The following NEK3 variants were observed in gnomAD, a reference collection of about 807,000 sequenced individuals.
NEK3 encodes the protein NIMA related kinase 3, also known as serine/threonine-protein kinase Nek3.
In NEK3, 54 loss-of-function variants were observed where a neutral mutation model predicts 66.0. The ratio of observed to expected loss-of-function variants is 0.82; its 90% CI spans 0.66 to 1.03. NEK3 has a LOEUF of 1.03. Ranked by LOEUF, NEK3 falls within the 50% of genes least tolerant of loss-of-function variation. The pLI, the probability that NEK3 is intolerant of heterozygous loss-of-function variation, is 0.00. For missense variants in NEK3, 593 were observed against 603.0 expected, an observed-to-expected ratio of 0.98 and a Z score of 0.17; for synonymous variants, 200 against 206.2, an observed-to-expected ratio of 0.97 and a Z score of 0.26.
chr13:52,136,639 T>A (rs981246366), intron 12 of NEK3, among the ~76,000 whole-genome samples, 161 bp downstream of exon 12: 4 of 152,242 alleles, frequency 2.6e-5, no homozygotes, highest in African/African-American at 9.6e-5. Context: ...CTCTCTTTTG[T>A]TGTAGGTAAA....
intron 8 of NEK3, among the ~76,000 whole-genome samples, chr13:52,146,895 T>A (rs931502282): frequency 6.6e-6 from 1 of 152,210 alleles, no homozygotes; most frequent in Admixed American, 6.5e-5. Flanking sequence ...TCTCCTGAGC[T>A]CTATGTGCCC....
chr13:52,135,649 G>A (rs903134767), intron 14 of NEK3, 80 bp downstream of exon 14: 10 of 1,308,210 alleles, frequency 7.6e-6, no homozygotes, highest in South Asian at 6.0e-5. Context: ...TGGTTCAAAT[G>A]TAAATTTTAT....
chr13:52,143,114 C>G (rs1017052567), intron 10 of NEK3, among the ~76,000 whole-genome samples: 1 of 151,996 alleles, frequency 6.6e-6, no homozygotes, highest in Non-Finnish European at 1.5e-5. Flanking sequence ...GTCAGGAGTT[C>G]GAGACCAGCC....
chr13:52,134,588 C>T (rs1235392137), intron 14 of NEK3, among the ~76,000 whole-genome samples: 1 of 152,124 alleles, frequency 6.6e-6, no homozygotes, highest in African/African-American at 2.4e-5. Flanking sequence ...AGCATGAAAA[C>T]CTAACCTAAA....
intron 10 of NEK3, among the ~76,000 whole-genome samples, chr13:52,142,311 C>T (rs1278288978): frequency 1.1e-4 from 16 of 150,896 alleles, no homozygotes; most frequent in African/African-American, 3.6e-4. Context: ...GAGTCTCGCT[C>T]TGTTGCCCAG....
chr13:52,133,194 C>A lies in NEK3; in HGVS notation c.1469G>T (p.Trp490Leu). 2 of 1,610,054 alleles carry A rather than the reference C, an allele frequency of 1.2e-6. No individual in the cohort carries two copies. The highest frequency in any genetic ancestry group is 1.7e-6 in the Non-Finnish European group (2 of 1,178,296). Residue 490 changes from tryptophan to leucine, a missense_variant, in exon 16 of 16, where the codon TGG becomes TTG. Physicochemically the swap from Trp to Leu is moderately conservative, Grantham distance 61. Coordinates refer to ENST00000610828, the MANE Select transcript of NEK3 (RefSeq NM_002498.3). ...AGCTCGCTTCTTCAGCTCTGACACC[C>A]AGTCGGGGTTGTCATCTTCCTCCTC... ...DFEEEDDNPD[W>L]VSELKKRAGW...
chr13:52,157,695 C>T (rs548419723), intron 1 of NEK3, among the ~76,000 whole-genome samples: 2 of 152,110 alleles, frequency 1.3e-5, no homozygotes, highest in Non-Finnish European at 2.9e-5. Context: ...AAGCAGCTAG[C>T]GGGACTGCTT....
At chr13:52,154,422 T>C (rs977281066) in intron 2 of NEK3, among the ~76,000 whole-genome samples, 1 of 152,140 alleles carries the variant, frequency 6.6e-6, no homozygotes, top group Non-Finnish European at 1.5e-5. Flanking sequence ...ACATACAGAA[T>C]GTAAATAGTT....
At chr13:52,154,930 C>T (rs1291875245) in intron 2 of NEK3, among the ~76,000 whole-genome samples, 1 of 151,046 alleles carries the variant, frequency 6.6e-6, no homozygotes, top group East Asian at 2.0e-4. Flanking sequence ...ACACTCCAGC[C>T]TGGGCAATAG....
chr13:52,153,952 T>A lies in NEK3; in HGVS notation c.252A>T (p.Gly84=). 1.2e-6 allele frequency: 2 copies of A among 1,613,040 alleles called. No individual in the cohort carries two copies. The highest frequency in any genetic ancestry group is 1.7e-6 in the Non-Finnish European group (2 of 1,179,244). The change falls in exon 4 of 16, where the codon GGA becomes GGT. Residue 84 remains glycine (G), a synonymous_variant. Coordinates refer to ENST00000610828, the MANE Select transcript of NEK3 (RefSeq NM_002498.3). ...GTTTAATCTTTTGCATTAGATCCCCTCCATCACAGTATTCCATCACAATAT... is the reference window on the plus strand; with the variant it reads ...GTTTAATCTTTTGCATTAGATCCCCACCATCACAGTATTCCATCACAATAT... ...HLYIVMEYCD[G]GDLMQKIKQQ...
chr13:52,133,936 T>G (rs910949951), intron 14 of NEK3, 121 bp from the exon 15 acceptor site: 2 of 970,894 alleles, frequency 2.1e-6, no homozygotes, highest in African/African-American at 3.3e-5. Context: ...CATAACTCTT[T>G]TGTAGTGTCT....
intron 2 of NEK3, among the ~76,000 whole-genome samples, chr13:52,155,632 T>C (rs1285373904): frequency 6.6e-6 from 1 of 152,178 alleles, no homozygotes; most frequent in Non-Finnish European, 1.5e-5. Flanking sequence ...AATAAACCAA[T>C]TACATCTTTT....
intron 10 of NEK3, among the ~76,000 whole-genome samples, chr13:52,142,292 T>C (rs572246745): frequency 2.0e-5 from 3 of 151,864 alleles, no homozygotes; most frequent in African/African-American, 7.2e-5. Flanking sequence ...TTTTTTTTTT[T>C]TGGAGACGGA....
chr13:52,134,134 G>A (rs1423681355), intron 14 of NEK3, among the ~76,000 whole-genome samples: 8 of 152,154 alleles, frequency 5.3e-5, no homozygotes, highest in Non-Finnish European at 1.2e-4. Flanking sequence ...AGGCTCAAGA[G>A]CTCCTCCTAC....
rs540021258 is a variant in NEK3 at position 52,153,745 on chromosome 13, C to G, written c.309+150G>C. 32 of 596,808 alleles carry G rather than the reference C, an allele frequency of 5.4e-5. No homozygotes were observed. The African/African-American group carries it at 5.9e-4, about 11-fold the overall frequency. The allele number at this position is 596,808 out of a possible 1,614,324, so 37.0% of individuals were successfully genotyped here. On this transcript the variant is annotated intron_variant, in intron 4 of 15. Coordinates refer to ENST00000610828, the MANE Select transcript of NEK3 (RefSeq NM_002498.3). Reference sequence around the variant, plus strand: ...TTCAGGCAGCCATATCCTGAGGACACTAAGTGGTAACACCAATTCAGAAAT... The same window carrying G: ...TTCAGGCAGCCATATCCTGAGGACAGTAAGTGGTAACACCAATTCAGAAAT...
chr13:52,138,121 A>T (rs1956219277), intron 11 of NEK3, among the ~76,000 whole-genome samples: 1 of 152,176 alleles, frequency 6.6e-6, no homozygotes. Context: ...TCCCAGGCTC[A>T]GGCGATCCTC....
At chr13:52,149,081 A>T (rs1956317759) in intron 7 of NEK3, among the ~76,000 whole-genome samples, 1 of 149,720 alleles carries the variant, frequency 6.7e-6, no homozygotes, top group African/African-American at 2.5e-5. Context: ...TATTTGTTTT[A>T]GTAGAGACAG....
rs1956198116 is a variant in NEK3 at position 52,135,697 on chromosome 13, G to A, written c.1309+32C>T. On this transcript the variant is annotated intron_variant, in intron 14 of 15. Coordinates refer to ENST00000610828, the MANE Select transcript of NEK3 (RefSeq NM_002498.3). ...TGCCACAATTTTCAAAAAGTCAAAG[G>A]GTTTCCAAGGTCACATACAGACATG... The A allele has an allele frequency of 2.6e-6, 4 of 1,566,872 alleles. No individual in the cohort carries two copies. In the South Asian group the frequency reaches 4.8e-5, roughly 19 times the overall value.
chr13:52,136,280 A>T, intron 12 of NEK3, 21 bp from the exon 13 acceptor site: 1 of 1,612,050 alleles, frequency 6.2e-7, no homozygotes. Context: ...AGTGTGAAAA[A>T]GGAATGCCAA....
Sources: gnomAD v4.1 joint callset for allele counts (sites outside exome capture counted in the v4.1 genomes callset) on GRCh38, gnomAD v4.1.1 for gene constraint, MANE v1.5 for transcripts, NCBI Gene and HGNC (gene_info 2026-07-23, HGNC 2026-07-21) for gene names.